FHIT: variants seen among roughly 807,000 people sequenced by gnomAD.
The protein encoded by FHIT is fragile histidine triad diadenosine triphosphatase, also known as bis(5'-adenosyl)-triphosphatase.
A neutral mutation model predicts 17.9 loss-of-function variants in FHIT; 19 were observed. That is an observed-to-expected ratio of 1.06 (90% CI 0.74 to 1.56). The LOEUF is 1.56. Ranked by LOEUF, FHIT falls within the 40% of genes most tolerant of loss-of-function variation. FHIT has a pLI of 0.00. For synonymous variants in FHIT, 81 were observed against 69.7 expected (o/e 1.16, Z -0.81); for missense variants, 248 against 189.2 (o/e 1.31, Z -1.82).
chr3:60,775,447 G>A (rs1482121493), intron 4 of FHIT, among the ~76,000 whole-genome samples: 1 of 152,050 alleles, frequency 6.6e-6, no homozygotes, highest in Non-Finnish European at 1.5e-5. Context: ...AGCTGTGGGC[G>A]GGAAGTGCTC....
At chr3:60,548,311 G>A (rs1246838698) in intron 4 of FHIT, among the ~76,000 whole-genome samples, 1 of 152,122 alleles carries the variant, frequency 6.6e-6, no homozygotes, top group Non-Finnish European at 1.5e-5. Flanking sequence ...GCAGTACTCT[G>A]TTATCAGACA....
At chr3:61,123,964 T>G (rs922551560) in intron 2 of FHIT, among the ~76,000 whole-genome samples, 5 of 152,144 alleles carry the variant, frequency 3.3e-5, no homozygotes, top group Non-Finnish European at 7.4e-5. Context: ...AGTCTCTTCT[T>G]GAGCCATCAG....
rs75197885 is a variant in FHIT, at chr3:60,389,832, C to T, written c.103+147028G>A. Among the ~76,000 whole-genome samples, 306 of 152,220 alleles carry T rather than the reference C, an allele frequency of 2.0e-3. 1 individual carries two copies. Among genetic ancestry groups the T allele is most frequent in the African/African-American group, 6.8e-3 (282 of 41,546 alleles). On this transcript the variant is annotated intron_variant, in intron 5 of 9. Transcript: ENST00000492590. Reference sequence around the variant, plus strand: ...TTTGTGTTTGACTAACTGTCATCTCCTTGTATCTTTCCTGCATCATATATA... The same window carrying T: ...TTTGTGTTTGACTAACTGTCATCTCTTTGTATCTTTCCTGCATCATATATA...
chr3:60,333,261 A>C (rs1006572153), intron 5 of FHIT, among the ~76,000 whole-genome samples: 10 of 152,220 alleles, frequency 6.6e-5, no homozygotes, highest in African/African-American at 9.6e-5. Flanking sequence ...AAATCAATTT[A>C]ATTGTGCTCT....
At chr3:60,695,407 C>A (rs2041091495) in intron 4 of FHIT, among the ~76,000 whole-genome samples, 1 of 151,950 alleles carries the variant, frequency 6.6e-6, no homozygotes, top group Non-Finnish European at 1.5e-5. Context: ...GAAACAACAA[C>A]AAAAAAGAAA....
intron 5 of FHIT, among the ~76,000 whole-genome samples, chr3:60,468,607 TTTG>T (rs2032923659): frequency 1.3e-5 from 2 of 152,246 alleles, no homozygotes; most frequent in East Asian, 1.9e-4. Flanking sequence ...TTTTTAACTT[TTTG>T]TTGTTTCTGT....
At chr3:60,884,204 C>G (rs145222353) in intron 3 of FHIT, among the ~76,000 whole-genome samples, 4 of 152,140 alleles carry the variant, frequency 2.6e-5, no homozygotes, top group African/African-American at 9.6e-5. Flanking sequence ...ATGAAAAAGA[C>G]AAACAATAAC....
At chr3:59,851,822 T>C (rs991900347) in intron 8 of FHIT, among the ~76,000 whole-genome samples, 5 of 152,192 alleles carry the variant, frequency 3.3e-5, no homozygotes, top group Non-Finnish European at 7.3e-5. Flanking sequence ...AGATTAAAGC[T>C]CCTACAAGCT....
At chr3:61,031,295 C>G (rs747057975) in intron 3 of FHIT, among the ~76,000 whole-genome samples, 1 of 151,904 alleles carries the variant, frequency 6.6e-6, no homozygotes, top group Non-Finnish European at 1.5e-5. Context: ...TTTCAAAATC[C>G]TCTATGAATA....
intron 4 of FHIT, among the ~76,000 whole-genome samples, chr3:60,712,835 T>C (rs1397425056): frequency 7.0e-6 from 1 of 143,712 alleles, no homozygotes; most frequent in African/African-American, 2.5e-5. Flanking sequence ...ATGGGAGACT[T>C]TAACACCCCA....
At chr3:59,933,389 A>T (rs1260280253) in intron 7 of FHIT, among the ~76,000 whole-genome samples, 1 of 152,190 alleles carries the variant, frequency 6.6e-6, no homozygotes, top group Non-Finnish European at 1.5e-5. Context: ...CATTTACATA[A>T]GAATATTATA....
intron 5 of FHIT, among the ~76,000 whole-genome samples, chr3:60,527,896 C>T (rs141637933): frequency 3.0e-4 from 46 of 152,288 alleles, no homozygotes; most frequent in African/African-American, 1.1e-3. Context: ...CTGGGTAAAG[C>T]CCAGACTCCC....
intron 5 of FHIT, among the ~76,000 whole-genome samples, chr3:60,405,261 C>G (rs1371242223): frequency 6.6e-6 from 1 of 152,184 alleles, no homozygotes; most frequent in Non-Finnish European, 1.5e-5. Flanking sequence ...CTACCCTTTC[C>G]TAATTGGTTT....
chr3:59,755,305 A>T (rs1701156679), intron 8 of FHIT, among the ~76,000 whole-genome samples: 1 of 152,304 alleles, frequency 6.6e-6, no homozygotes, highest in South Asian at 2.1e-4. Context: ...CTGCAGAAAT[A>T]GGGAGCCTGG....
At chr3:60,792,833 C>CTTTT (rs34640191) in intron 4 of FHIT, among the ~76,000 whole-genome samples, 2 of 144,200 alleles carry the variant, frequency 1.4e-5, no homozygotes, top group African/African-American at 5.1e-5. Context: ...AAAACAATTT[C>CTTTT]TTTTTTTTTT....
chr3:60,830,227 T>G (rs1468978256), intron 3 of FHIT, among the ~76,000 whole-genome samples: 1 of 152,162 alleles, frequency 6.6e-6, no homozygotes, highest in Non-Finnish European at 1.5e-5. Flanking sequence ...GTTTTTCTCT[T>G]GTTTCTGGGT....
At chr3:60,976,956 A>C (rs2107543322) in intron 3 of FHIT, among the ~76,000 whole-genome samples, 1 of 152,156 alleles carries the variant, frequency 6.6e-6, no homozygotes, top group South Asian at 2.1e-4. Flanking sequence ...CTGCTGAAGA[A>C]TTTACATATT....
At chr3:60,398,949 A>G (rs1271915151) in intron 5 of FHIT, among the ~76,000 whole-genome samples, 5 of 152,176 alleles carry the variant, frequency 3.3e-5, no homozygotes, top group Admixed American at 3.3e-4. Context: ...AAAAGGTGGA[A>G]AGTCTATACA....
intron 4 of FHIT, among the ~76,000 whole-genome samples, chr3:60,577,101 T>C (rs2037594713): frequency 6.6e-6 from 1 of 152,102 alleles, no homozygotes; most frequent in Non-Finnish European, 1.5e-5. Context: ...AGGAGGACAC[T>C]GATTAAAAAT....
Sources: gnomAD v4.1 joint callset for allele counts (sites outside exome capture counted in the v4.1 genomes callset) on GRCh38, gnomAD v4.1.1 for gene constraint, MANE v1.5 for transcripts, NCBI Gene and HGNC (gene_info 2026-07-23, HGNC 2026-07-21) for gene names.